Variants in SYK observed in about 807,000 individuals in gnomAD.
SYK encodes the protein spleen associated tyrosine kinase.
In SYK, 16 loss-of-function variants were observed where a neutral mutation model predicts 77.8. The ratio of observed to expected loss-of-function variants is 0.21; its 90% CI spans 0.14 to 0.31. SYK has a LOEUF of 0.31. Among genes scored for constraint, SYK ranks in the 10% least tolerant of loss-of-function variants. SYK has a pLI of 1.00. For synonymous variants in SYK, 312 were observed against 308.7 expected (o/e 1.01, Z -0.11); for missense variants, 529 against 814.4 (o/e 0.65, Z 4.26).
intron 1 of SYK, among the ~76,000 whole-genome samples, chr9:90,840,823 A>G (rs1164150353): frequency 3.9e-5 from 6 of 152,234 alleles, no homozygotes. Flanking sequence ...ATACCCTCAA[A>G]TTATAATAAA....
chr9:90,836,387 T>C (rs1320096882), intron 1 of SYK, among the ~76,000 whole-genome samples: 1 of 152,114 alleles, frequency 6.6e-6, no homozygotes, highest in African/African-American at 2.4e-5. Context: ...TGTGTACAAC[T>C]CTATTATTAA....
intron 4 of SYK, among the ~76,000 whole-genome samples, chr9:90,863,854 A>C (rs150147632): frequency 7.2e-5 from 11 of 152,174 alleles, no homozygotes; most frequent in Non-Finnish European, 1.2e-4. Flanking sequence ...GCGTTCTGTC[A>C]CCATTTCAAA....
At chr9:90,851,409 A>G (rs1310945358) in intron 3 of SYK, among the ~76,000 whole-genome samples, 1 of 152,046 alleles carries the variant, frequency 6.6e-6, no homozygotes, top group Admixed American at 6.5e-5. Context: ...ACGAATATAA[A>G]CAGAGGCTCT....
chr9:90,870,361 A>G (rs1031410520), intron 7 of SYK, among the ~76,000 whole-genome samples: 4 of 152,222 alleles, frequency 2.6e-5, no homozygotes, highest in Admixed American at 6.5e-5. Context: ...CACATCCCCT[A>G]AGAGGATTAA....
intron 1 of SYK, among the ~76,000 whole-genome samples, chr9:90,836,353 A>G (rs1209343736): frequency 6.6e-6 from 1 of 152,072 alleles, no homozygotes; most frequent in African/African-American, 2.4e-5. Flanking sequence ...TATGTAGTCT[A>G]TTTTTTCATT....
chr9:90,894,420 C>T (rs932623413), intron 13 of SYK, among the ~76,000 whole-genome samples: 1 of 152,268 alleles, frequency 6.6e-6, no homozygotes, highest in Admixed American at 6.5e-5. Context: ...TCATTTTGCT[C>T]ACTATTGAAA....
intron 7 of SYK, among the ~76,000 whole-genome samples, chr9:90,869,585 A>G (rs1257093113): frequency 1.3e-5 from 2 of 152,364 alleles, no homozygotes; most frequent in Non-Finnish European, 1.5e-5. Context: ...ATGTCCCATC[A>G]TGTTAGCTAA....
intron 6 of SYK, among the ~76,000 whole-genome samples, chr9:90,866,680 G>A (rs527393586): frequency 2.6e-5 from 4 of 152,212 alleles, no homozygotes; most frequent in Admixed American, 6.5e-5. Context: ...TGACTGGTAA[G>A]ATACATACGG....
At chr9:90,860,070 C>T (rs942505229) in intron 3 of SYK, among the ~76,000 whole-genome samples, 1 of 152,184 alleles carries the variant, frequency 6.6e-6, no homozygotes, top group African/African-American at 2.4e-5. Flanking sequence ...CTCACTGCAG[C>T]TTTCACCTCC....
chr9:90,864,568 T>C, intron 4 of SYK, 21 bp from the exon 5 acceptor site: 2 of 1,607,226 alleles, frequency 1.2e-6, no homozygotes, highest in Non-Finnish European at 1.7e-6. Flanking sequence ...TTTACCACTT[T>C]CTTACTTTTT....
chr9:90,852,139 TCCTC>T (rs2118703598), intron 3 of SYK, among the ~76,000 whole-genome samples: 1 of 152,336 alleles, frequency 6.6e-6, no homozygotes, highest in South Asian at 2.1e-4. Context: ...ATTCATTCCT[TCCTC>T]TAGGTTCACA....
At chr9:90,849,043 T>G in intron 3 of SYK, among the ~76,000 whole-genome samples, 1 of 150,992 alleles carries the variant, frequency 6.6e-6, no homozygotes. Flanking sequence ...TGGCAGAGAG[T>G]GAGTGGAGAA....
At chr9:90,819,153 T>C (rs1251806123) in intron 1 of SYK, among the ~76,000 whole-genome samples, 1 of 152,234 alleles carries the variant, frequency 6.6e-6, no homozygotes, top group Non-Finnish European at 1.5e-5. Context: ...TTGTGACCAC[T>C]GAGGCCCTTG....
Position 90,897,279 on chromosome 9 carries a change from C to T in SYK, c.*1679C>T, listed in dbSNP as rs1322079570. On this transcript the variant is annotated 3_prime_UTR_variant, in exon 14 of 14. Coordinates refer to ENST00000375754, the MANE Select transcript of SYK (RefSeq NM_003177.7). ...TGTGTTTAGAAGTTTTTGGTAGCCA[C>T]GCACACTTTCTGAAATCACACTATC... 3.9e-5 allele frequency: 9 copies of T among 230,164 alleles called. No individual in the cohort carries two copies. Among genetic ancestry groups the T allele is most frequent in the South Asian group, 1.8e-4 (1 of 5,508 alleles). The allele number at this position is 230,164 out of a possible 1,614,324, so 14.3% of individuals were successfully genotyped here.
At chr9:90,833,597 C>G (rs1825969530) in intron 1 of SYK, among the ~76,000 whole-genome samples, 1 of 152,200 alleles carries the variant, frequency 6.6e-6, no homozygotes, top group Non-Finnish European at 1.5e-5. Flanking sequence ...GCCTAATCTT[C>G]CAGTCAGACT....
intron 7 of SYK, among the ~76,000 whole-genome samples, chr9:90,867,891 T>C (rs1181076286): frequency 1.3e-5 from 2 of 152,216 alleles, no homozygotes; most frequent in Admixed American, 6.5e-5. Flanking sequence ...AAAATATGTA[T>C]ATATAATGTG....
At chr9:90,884,926 CATATGCACATATGTGTAT>C (rs1828496743) in intron 11 of SYK, among the ~76,000 whole-genome samples, 1 of 134,608 alleles carries the variant, frequency 7.4e-6, no homozygotes, top group Admixed American at 7.5e-5. Context: ...CATATATATA[CATATGCACATATGTGTAT>C]ATATATACAC....
chr9:90,821,872 G>GA (rs2095441995), intron 1 of SYK, among the ~76,000 whole-genome samples: 1 of 152,154 alleles, frequency 6.6e-6, no homozygotes, highest in Admixed American at 6.5e-5. Context: ...GCCTTACAGG[G>GA]AAAATATGTG....
chr9:90,882,724 A>G (rs1464044387), intron 11 of SYK, among the ~76,000 whole-genome samples: 1 of 152,254 alleles, frequency 6.6e-6, no homozygotes, highest in African/African-American at 2.4e-5. Flanking sequence ...ACAAGTACAT[A>G]TTCACACTTC....
Sources: gnomAD v4.1 joint callset for allele counts (sites outside exome capture counted in the v4.1 genomes callset) on GRCh38, gnomAD v4.1.1 for gene constraint, MANE v1.5 for transcripts, NCBI Gene and HGNC (gene_info 2026-07-23, HGNC 2026-07-21) for gene names.